ADAMTS6: variants seen among roughly 807,000 people sequenced by gnomAD.
ADAMTS6 encodes A disintegrin and metalloproteinase with thrombospondin motifs 6.
In ADAMTS6, 23 loss-of-function variants were observed where a neutral mutation model predicts 144.3. That is an observed-to-expected ratio of 0.16 (90% CI 0.11 to 0.23). The LOEUF is 0.23. Ranked by LOEUF, ADAMTS6 falls within the 10% of genes least tolerant of loss-of-function variation. The pLI is 1.00. For missense variants in ADAMTS6, 999 were observed against 1,379.6 expected (o/e 0.72, Z 4.37); for synonymous variants, 444 against 457.5 (o/e 0.97, Z 0.38).
At position 65,369,939 on chromosome 5, in the gene ADAMTS6, AT is replaced by A. The variant is rs900693391; in HGVS notation, c.1074-35855del. ...ATAGAACTAACTTCCTAGGGAAGTT[AT>A]TTTTTTTTCCTTTATTTATTTTCCT... On this transcript the variant is annotated intron_variant, in intron 7 of 24. Transcript: ENST00000381055. 7.6e-3 allele frequency among the ~76,000 whole-genome samples: 1,143 copies of A among 151,088 alleles called. 15 individuals are homozygous for A. Among genetic ancestry groups the A allele is most frequent in the African/African-American group, 0.025 (1,036 of 41,178 alleles).
Position 65,150,271 on chromosome 5 carries a change from A to T in ADAMTS6, c.*1565T>A, listed in dbSNP as rs761401335. 8 of 152,654 alleles carry T rather than the reference A, an allele frequency of 5.2e-5. No individual in the cohort carries two copies. Among genetic ancestry groups the T allele is most frequent in the Non-Finnish European group, 1.0e-4 (7 of 68,038 alleles). The allele number at this position is 152,654 out of a possible 1,614,324, so 9.5% of individuals were successfully genotyped here. A position where few individuals can be genotyped will look rare whatever the true frequency, so the allele number is the denominator to read the frequency against. On this transcript the variant is annotated 3_prime_UTR_variant, in exon 25 of 25. Coordinates refer to ENST00000381055, the MANE Select transcript of ADAMTS6 (RefSeq NM_197941.4). Reference sequence around the variant, plus strand: ...GCATGCATGGTGTACACCTGTGTACAATGGGGAGGCATTTTGGACACAAAG... The same window carrying T: ...GCATGCATGGTGTACACCTGTGTACTATGGGGAGGCATTTTGGACACAAAG...
chr5:65,162,620 TACACACACAC>T (rs10529076), intron 24 of ADAMTS6, among the ~76,000 whole-genome samples: 251 of 145,934 alleles, frequency 1.7e-3, no homozygotes, highest in African/African-American at 5.5e-3. Context: ...TATAAGATAC[TACACACACAC>T]ACACACACAC....
At chr5:65,356,821 A>G (rs555474546) in intron 7 of ADAMTS6, among the ~76,000 whole-genome samples, 2 of 151,894 alleles carry the variant, frequency 1.3e-5, no homozygotes, top group Non-Finnish European at 2.9e-5. Context: ...AGGATATCTT[A>G]AAATTATGTG....
intron 7 of ADAMTS6, among the ~76,000 whole-genome samples, chr5:65,339,002 T>C (rs1020965105): frequency 2.0e-5 from 3 of 151,988 alleles, no homozygotes; most frequent in African/African-American, 2.4e-5. Context: ...GAAATAGCCC[T>C]CCAAGCCACT....
rs541048554 is a variant in ADAMTS6, at chr5:65,326,922, T to C, written c.1223+2456A>G. 3.9e-5 allele frequency among the ~76,000 whole-genome samples: 6 copies of C among 152,252 alleles called. No individual in the cohort carries two copies. The South Asian group carries it at 1.0e-3, about 26-fold the overall frequency. ...TAATTGACCAAATAATAATTTGACATATTGAAAAAAATAGTATGTTGATAT... is the reference window on the plus strand; with the variant it reads ...TAATTGACCAAATAATAATTTGACACATTGAAAAAAATAGTATGTTGATAT... On this transcript the variant is annotated intron_variant, in intron 9 of 24. Coordinates refer to ENST00000381055, the MANE Select transcript of ADAMTS6 (RefSeq NM_197941.4).
At position 65,237,010 on chromosome 5, in the gene ADAMTS6, C is replaced by T. The variant is rs142649252; in HGVS notation, c.1933+5094G>A. Among the ~76,000 whole-genome samples, 607 of 152,028 alleles carry T rather than the reference C, an allele frequency of 4.0e-3. 3 individuals are homozygous for T. The highest frequency in any genetic ancestry group is 0.014 in the African/African-American group (585 of 41,478). Reference sequence around the variant, plus strand: ...ATATTTTATAAATATTAATATTAAACGGCATAACAAGAGAATGTTATGATC... The same window carrying T: ...ATATTTTATAAATATTAATATTAAATGGCATAACAAGAGAATGTTATGATC... On this transcript the variant is annotated intron_variant, in intron 15 of 24. Transcript: ENST00000381055.
At chr5:65,248,646 T>C (rs191944706) in intron 14 of ADAMTS6, among the ~76,000 whole-genome samples, 2,571 of 151,084 alleles carry the variant, frequency 0.017, 84 homozygotes, top group East Asian at 0.15. Flanking sequence ...AATACAAAAA[T>C]TATGGTGGTG....
At chr5:65,326,228 T>C (rs1746161378) in intron 9 of ADAMTS6, among the ~76,000 whole-genome samples, 1 of 152,162 alleles carries the variant, frequency 6.6e-6, no homozygotes, top group Non-Finnish European at 1.5e-5. Flanking sequence ...ATTATAATCT[T>C]TTCAACTTAT....
rs150170559 is a variant in ADAMTS6 at position 65,211,852 on chromosome 5, C to T, written c.2575+2942G>A. Reference sequence around the variant, plus strand: ...TTCACTCATCTAGCATTTTGGGAGGCCACCATTGGCCTCATTAAGGTGCTC... The same window carrying T: ...TTCACTCATCTAGCATTTTGGGAGGTCACCATTGGCCTCATTAAGGTGCTC... On this transcript the variant is annotated intron_variant, in intron 20 of 24. Coordinates refer to ENST00000381055, the MANE Select transcript of ADAMTS6 (RefSeq NM_197941.4). 1.9e-3 allele frequency among the ~76,000 whole-genome samples: 286 copies of T among 152,256 alleles called. 5 individuals are homozygous for T. The East Asian group carries it at 0.037, about 19-fold the overall frequency.
At chr5:65,287,640 C>T (rs1277688669) in intron 11 of ADAMTS6, among the ~76,000 whole-genome samples, 1 of 152,154 alleles carries the variant, frequency 6.6e-6, no homozygotes, top group Non-Finnish European at 1.5e-5. Context: ...AAGCCATTTT[C>T]CAGCCTCAGC....
At chr5:65,277,474 C>T (rs1180718901) in intron 11 of ADAMTS6, among the ~76,000 whole-genome samples, 1 of 152,044 alleles carries the variant, frequency 6.6e-6, no homozygotes, top group Non-Finnish European at 1.5e-5. Flanking sequence ...TCACTGCAAC[C>T]TTGAACTCCT....
chr5:65,310,241 C>T (rs553952002), intron 9 of ADAMTS6, among the ~76,000 whole-genome samples: 7 of 152,174 alleles, frequency 4.6e-5, no homozygotes, highest in Non-Finnish European at 7.4e-5. Flanking sequence ...GCTTTCTGTA[C>T]AGCCTGAAGA....
chr5:65,292,081 G>C (rs1481180344), intron 10 of ADAMTS6, among the ~76,000 whole-genome samples: 5 of 152,112 alleles, frequency 3.3e-5, no homozygotes, highest in African/African-American at 1.2e-4. Flanking sequence ...AATTGGAAAA[G>C]AGAATGTTCT....
intron 9 of ADAMTS6, among the ~76,000 whole-genome samples, chr5:65,319,739 GGGAA>G (rs776411832): frequency 0.075 from 4,926 of 65,320 alleles, 439 homozygotes; most frequent in African/African-American, 0.23. Context: ...GAGGGAGGGA[GGGAA>G]GGAAGGAAGG....
rs1416070852 is a variant in ADAMTS6, at chr5:65,224,386, C to T, written c.2206G>A (p.Val736Met). The change falls in exon 18 of 25, where the codon GTG becomes ATG. Residue 736 changes from valine (V) to methionine (M), a missense_variant. Around this residue, in one of 3 missense-constraint regions of ADAMTS6, gnomAD observed 619 missense variants for 837.0 expected, o/e 0.74. Coordinates refer to ENST00000381055, the MANE Select transcript of ADAMTS6 (RefSeq NM_197941.4). ...TGAACAGAGCCTCTTGGTATCTGCA[C>T]CACTTCCATGTAGCCTGGAACACAG... ...SLPRGGYMEV[V>M]QIPRGSVHIE... 1 of 1,613,978 alleles carries T rather than the reference C, an allele frequency of 6.2e-7. No individual in the cohort carries two copies. Among genetic ancestry groups the T allele is most frequent in the African/African-American group, 1.3e-5 (1 of 74,930 alleles).
intron 24 of ADAMTS6, among the ~76,000 whole-genome samples, chr5:65,161,352 G>A (rs1752767307): frequency 6.6e-6 from 1 of 152,268 alleles, no homozygotes; most frequent in East Asian, 1.9e-4. Flanking sequence ...TGTCTCTTTT[G>A]AAATCTATGT....
chr5:65,399,921 A>G (rs1753775202), intron 7 of ADAMTS6, among the ~76,000 whole-genome samples: 1 of 152,080 alleles, frequency 6.6e-6, no homozygotes, highest in Non-Finnish European at 1.5e-5. Context: ...ATCTTTTAAC[A>G]TTTCTTGCAA....
chr5:65,215,548 A>G, intron 18 of ADAMTS6, 61 bp from the exon 19 acceptor site: 1 of 1,448,018 alleles, frequency 6.9e-7, no homozygotes, highest in Non-Finnish European at 9.5e-7. Flanking sequence ...AGTGTCACTG[A>G]TTAATTACTG....
intron 24 of ADAMTS6, among the ~76,000 whole-genome samples, chr5:65,169,780 G>A (rs550554112): frequency 6.6e-5 from 10 of 150,842 alleles, no homozygotes; most frequent in East Asian, 5.9e-4. Flanking sequence ...GTAAACTATC[G>A]CAAGATCAAA....
Sources: allele counts gnomAD v4.1 joint callset (sites outside exome capture counted in the v4.1 genomes callset), GRCh38; gene constraint gnomAD v4.1.1; regional missense constraint gnomAD v4.1.1; transcripts MANE v1.5; gene names NCBI Gene and HGNC (gene_info 2026-07-23, HGNC 2026-07-21).